The following ZFR variants were observed in gnomAD, a reference collection of about 807,000 sequenced individuals.
ZFR encodes the protein zinc finger RNA binding protein, also known as zinc finger RNA-binding protein.
ZFR carries 19 observed loss-of-function variants against 130.7 expected under a neutral mutation model. The ratio of observed to expected loss-of-function variants is 0.15; its 90% confidence interval spans 0.10 to 0.21. The LOEUF (loss-of-function observed/expected upper bound fraction) is 0.21. Ranked by LOEUF, ZFR falls within the 10% of genes least tolerant of loss-of-function variation. The pLI, the probability that ZFR is intolerant of heterozygous loss-of-function variation, is 1.00. For synonymous variants in ZFR, 466 were observed against 456.9 expected, an observed-to-expected ratio of 1.02 and a Z score of -0.25; for missense variants, 872 against 1,321.5, an observed-to-expected ratio of 0.66 and a Z score of 5.27.
intron 9 of ZFR, 113 bp downstream of exon 9, chr5:32,399,893 TA>T: frequency 1.0e-6 from 1 of 970,660 alleles, no homozygotes; most frequent in Non-Finnish European, 1.4e-6. Flanking sequence ...ATTCTTTAAG[TA>T]AGCTAAATCT....
rs551631582 is a variant in ZFR at position 32,444,666 on chromosome 5, G to C, written c.-8C>G. On this transcript the variant is annotated 5_prime_UTR_variant, in exon 1 of 20. Transcript: ENST00000265069. ...AGGGCATATGGGAATCATGGGCTCG[G>C]GCTGCTGCTGCTGAACTCTGAACTC... is the stretch of plus-strand genomic sequence containing the variant. 1.3e-6 allele frequency: 2 copies of C among 1,510,618 alleles called. No individual in the cohort carries two copies. Among genetic ancestry groups the C allele is most frequent in the East Asian group, 5.6e-5 (2 of 35,436 alleles). 93.6% of individuals were successfully genotyped at this position (1,510,618 alleles called of 1,614,324 possible). A position where few individuals can be genotyped will look rare whatever the true frequency, so the allele number is the denominator to read the frequency against.
At position 32,400,162 on chromosome 5, in the gene ZFR, T is replaced by A. The variant is rs969391918; in HGVS notation, c.1558A>T (p.Ile520Leu). 6.2e-7 allele frequency: 1 copy of A among 1,611,008 alleles called. No homozygotes were observed. The highest frequency in any genetic ancestry group is 1.3e-5 in the African/African-American group (1 of 75,018). Residue 520 changes from isoleucine (I) to leucine (L), a missense_variant, in exon 9 of 20, where the codon ATA becomes TTA. Physicochemically the swap from Ile to Leu is conservative, Grantham distance 5. Coordinates refer to ENST00000265069, the MANE Select transcript of ZFR (RefSeq NM_016107.5). ...LQSTGNKAED[I>L]KGTECVKSTP... is the part of the protein sequence containing the mutation. ...CTTTTAACACATTCGGTTCCTTTTA[T>A]GTCTTCTGCTTTATTTCCTGTTGAC...
chr5:32,420,496 C>T (rs1332550750), intron 2 of ZFR, among the ~76,000 whole-genome samples: 7 of 152,124 alleles, frequency 4.6e-5, no homozygotes, highest in African/African-American at 9.7e-5. Context: ...TACAGTTTTA[C>T]AAATCTCTAC....
intron 2 of ZFR, among the ~76,000 whole-genome samples, chr5:32,433,683 AC>A (rs1271269900): frequency 6.6e-6 from 1 of 152,196 alleles, no homozygotes; most frequent in African/African-American, 2.4e-5. Flanking sequence ...TCATTTCTAC[AC>A]CAACTACTTT....
intron 2 of ZFR, among the ~76,000 whole-genome samples, chr5:32,443,336 T>C (rs1027015167): frequency 5.9e-5 from 9 of 152,226 alleles, no homozygotes; most frequent in African/African-American, 2.2e-4. Flanking sequence ...AATGAGAGCT[T>C]CCCTTAAAGC....
chr5:32,421,246 ATTTAGCTGATAGGT>A (rs1190532424), intron 2 of ZFR, among the ~76,000 whole-genome samples: 1 of 152,170 alleles, frequency 6.6e-6, no homozygotes, highest in Non-Finnish European at 1.5e-5. Context: ...CCCAACAGTT[ATTTAGCTGATAGGT>A]TTTAGCTGAC....
intron 2 of ZFR, among the ~76,000 whole-genome samples, chr5:32,431,644 C>G (rs1754219062): frequency 1.3e-5 from 2 of 152,062 alleles, no homozygotes; most frequent in African/African-American, 4.8e-5. Context: ...GAAACACAAT[C>G]TGACCTTCCC....
chr5:32,360,149 G>A (rs1209001824), intron 19 of ZFR, among the ~76,000 whole-genome samples: 1 of 152,026 alleles, frequency 6.6e-6, no homozygotes, highest in African/African-American at 2.4e-5. Flanking sequence ...CCTAATTCAA[G>A]GAAATTTTAC....
At chr5:32,422,141 C>T (rs1276425294) in intron 2 of ZFR, among the ~76,000 whole-genome samples, 1 of 151,590 alleles carries the variant, frequency 6.6e-6, no homozygotes, top group Non-Finnish European at 1.5e-5. Flanking sequence ...CAAAACATGT[C>T]CTATTAGACA....
intron 16 of ZFR, 171 bp downstream of exon 16, chr5:32,379,904 C>A (rs1752898985): frequency 1.9e-6 from 1 of 513,952 alleles, no homozygotes; most frequent in Admixed American, 3.2e-5. Context: ...ATAATAACTG[C>A]AATATGCAGA....
At chr5:32,436,774 C>T (rs1581719285) in intron 2 of ZFR, among the ~76,000 whole-genome samples, 1 of 152,246 alleles carries the variant, frequency 6.6e-6, no homozygotes, top group East Asian at 1.9e-4. Flanking sequence ...GCCAGGTCCA[C>T]CTTACAAATA....
At chr5:32,390,222 A>G in intron 12 of ZFR, 53 bp downstream of exon 12, 2 of 1,567,304 alleles carry the variant, frequency 1.3e-6, no homozygotes, top group Non-Finnish European at 8.7e-7. Flanking sequence ...GTTTTCTTCT[A>G]ATGCTGAACC....
At chr5:32,393,971 A>G (rs1753238838) in intron 11 of ZFR, among the ~76,000 whole-genome samples, 1 of 152,220 alleles carries the variant, frequency 6.6e-6, no homozygotes, top group Non-Finnish European at 1.5e-5. Flanking sequence ...TATCTAAACA[A>G]TAACAACAAG....
chr5:32,408,473 G>C (rs1412503593), intron 5 of ZFR, among the ~76,000 whole-genome samples: 1 of 152,062 alleles, frequency 6.6e-6, no homozygotes, highest in African/African-American at 2.4e-5. Context: ...GAAGTCATTT[G>C]GAAAATATCT....
In ZFR at chr5:32,379,099, G is replaced by A. The variant is rs113993045; in HGVS notation, c.2835+16C>T. ...TTCCTACATGTTTTTACACCATACAGTTACGTACTACTTACCCAGCTTGGA... is the reference window on the plus strand; with the variant it reads ...TTCCTACATGTTTTTACACCATACAATTACGTACTACTTACCCAGCTTGGA... On this transcript the variant is annotated intron_variant, in intron 17 of 19. Coordinates refer to ENST00000265069, the MANE Select transcript of ZFR (RefSeq NM_016107.5). The A allele has an allele frequency of 3.0e-4, 472 of 1,586,536 alleles. No homozygotes were observed. The African/African-American group carries it at 5.6e-3, about 19-fold the overall frequency.
Position 32,387,531 on chromosome 5 carries a change from C to T in ZFR, c.2499+18G>A. ...GAACCAGACAAGGGGTAAAAATGAA[C>T]ATTTCCATAATACTTACAGCAAGCT... On this transcript the variant is annotated intron_variant, in intron 14 of 19. Coordinates refer to ENST00000265069, the MANE Select transcript of ZFR (RefSeq NM_016107.5). The T allele has an allele frequency of 7.5e-6, 12 of 1,607,808 alleles. No individual in the cohort carries two copies. Among genetic ancestry groups the T allele is most frequent in the Non-Finnish European group, 1.0e-5 (12 of 1,177,372 alleles).
chr5:32,367,990 T>C (rs1352422981), intron 17 of ZFR, among the ~76,000 whole-genome samples: 1 of 152,158 alleles, frequency 6.6e-6, no homozygotes, highest in Non-Finnish European at 1.5e-5. Context: ...TTTTTTTTTC[T>C]TCTTTCCCTT....
intron 17 of ZFR, among the ~76,000 whole-genome samples, chr5:32,374,495 T>C (rs1316657803): frequency 1.3e-5 from 2 of 151,916 alleles, no homozygotes; most frequent in Non-Finnish European, 2.9e-5. Context: ...AGAGCGAGAC[T>C]CCATTTCAAA....
In ZFR at chr5:32,388,644, G is replaced by A. The variant is rs374632318; in HGVS notation, c.2173C>T (p.Arg725Cys). Residue 725 changes from arginine to cysteine, a missense_variant, in exon 13 of 20, where the codon CGT becomes TGT. Arg to Cys is a radical substitution (Grantham distance 180). This residue lies in a region of ZFR where 225 missense variants were observed against 282.4 expected (regional missense o/e 0.80). Coordinates refer to ENST00000265069, the MANE Select transcript of ZFR (RefSeq NM_016107.5). ...PLRRPDSSDD[R>C]YVMTKHATIY... ...GTGGCATGTTTTGTCATTACATAAC[G>A]GTCATCAGATGAGTCAGGACGACGT... is the stretch of plus-strand genomic sequence containing the variant. The A allele has an allele frequency of 5.0e-6, 8 of 1,613,852 alleles. No homozygotes were observed. The highest frequency in any genetic ancestry group is 5.9e-6 in the Non-Finnish European group (7 of 1,179,864).
Sources: gnomAD v4.1 joint callset for allele counts (sites outside exome capture counted in the v4.1 genomes callset) on GRCh38, gnomAD v4.1.1 for gene constraint, gnomAD v4.1.1 regional missense constraint, MANE v1.5 for transcripts, NCBI Gene and HGNC (gene_info 2026-07-23, HGNC 2026-07-21) for gene names.